The following ARID4A variants were observed in gnomAD, a reference collection of about 807,000 sequenced individuals.
The protein encoded by ARID4A is AT-rich interactive domain-containing protein 4A.
In ARID4A, 39 loss-of-function variants were observed where a neutral mutation model predicts 148.6. The ratio of observed to expected loss-of-function variants is 0.26; its 90% confidence interval spans 0.20 to 0.34. The LOEUF (loss-of-function observed/expected upper bound fraction) is 0.34, where lower values mean the gene tolerates loss of function less well. ARID4A is among the 10% of genes least tolerant of loss of function. The pLI is 1.00. For synonymous variants in ARID4A, 475 were observed against 481.2 expected (o/e 0.99, Z 0.17); for missense variants, 1,265 against 1,449.1 (o/e 0.87, Z 2.06).
At chr14:58,330,212 C>G (rs377685934) in intron 11 of ARID4A, 43 bp downstream of exon 11, 4 of 1,583,700 alleles carry the variant, frequency 2.5e-6, no homozygotes, top group Non-Finnish European at 2.6e-6. Context: ...TCTTAATACT[C>G]TCTAGTGAAA....
At chr14:58,322,690 G>A (rs180979036) in intron 7 of ARID4A, among the ~76,000 whole-genome samples, 167 of 152,038 alleles carry the variant, frequency 1.1e-3, no homozygotes, top group African/African-American at 3.7e-3. Flanking sequence ...GGCTGGGCAC[G>A]TTGCCTCACA....
chr14:58,329,726 C>T, intron 10 of ARID4A, 122 bp downstream of exon 10: 3 of 984,878 alleles, frequency 3.0e-6, no homozygotes, highest in East Asian at 2.6e-5. Context: ...GATATCCACT[C>T]TTACTTGATT....
In ARID4A at chr14:58,338,568, G is replaced by T. The variant is rs537407250; in HGVS notation, c.907-6127G>T. 1.9e-4 allele frequency among the ~76,000 whole-genome samples: 29 copies of T among 152,174 alleles called. No homozygotes were observed. In the East Asian group the frequency reaches 5.2e-3, roughly 27 times the overall value. On this transcript the variant is annotated intron_variant, in intron 11 of 23. Coordinates refer to ENST00000355431, the MANE Select transcript of ARID4A (RefSeq NM_002892.4). ...TGAGCCTCATTTTTGGAGGTGGTAG[G>T]GATGAAGGAGAGGGGATGGAGGGGT...
At chr14:58,340,196 C>CTTA (rs2034043392) in intron 11 of ARID4A, among the ~76,000 whole-genome samples, 1 of 152,114 alleles carries the variant, frequency 6.6e-6, no homozygotes, top group Admixed American at 6.6e-5. Flanking sequence ...AGTCATGGGC[C>CTTA]ATAACCACCT....
intron 1 of ARID4A, chr14:58,299,452 G>C (rs982769757): frequency 5.8e-6 from 1 of 171,524 alleles, no homozygotes; most frequent in African/African-American, 2.4e-5. Flanking sequence ...GAGGCTCGGC[G>C]GTCGTCTCCG....
chr14:58,338,497 A>G lies in ARID4A; in HGVS notation c.907-6198A>G, dbSNP rs374928776. On this transcript the variant is annotated intron_variant, in intron 11 of 23. Transcript: ENST00000355431. The stretch of plus-strand genomic sequence containing the variant: ...CTGTCTTAACATCTCTCCTTCCATG[A>G]TAGGGATCTGCCCATTTCAGGGGAT... Among the ~76,000 whole-genome samples the G allele has an allele frequency of 2.6e-5, 4 of 152,090 alleles. 1 individual carries two copies.
intron 18 of ARID4A, among the ~76,000 whole-genome samples, 189 bp from the exon 19 acceptor site, chr14:58,360,712 A>G (rs1318970674): frequency 6.6e-6 from 1 of 152,218 alleles, no homozygotes; most frequent in Non-Finnish European, 1.5e-5. Context: ...CGTGACACTA[A>G]TGTTAATAAG....
At chr14:58,311,087 A>C (rs1320433497) in intron 5 of ARID4A, among the ~76,000 whole-genome samples, 1 of 152,082 alleles carries the variant, frequency 6.6e-6, no homozygotes, top group East Asian at 1.9e-4. Context: ...CTCTACTAAA[A>C]ATACAAAAAT....
intron 2 of ARID4A, 68 bp from the exon 3 acceptor site, chr14:58,301,512 A>T: frequency 9.3e-7 from 1 of 1,069,768 alleles, no homozygotes; most frequent in Non-Finnish European, 1.4e-6. Context: ...ACAACCTTTT[A>T]ATGAGACTTG....
chr14:58,363,447 C>G (rs929232532), intron 19 of ARID4A, among the ~76,000 whole-genome samples: 1 of 152,134 alleles, frequency 6.6e-6, no homozygotes, highest in African/African-American at 2.4e-5. Context: ...TGCCTATAAT[C>G]CCAGCACTTT....
chr14:58,365,465 C>CTTT, intron 20 of ARID4A, 53 bp from the exon 21 acceptor site: 1 of 853,864 alleles, frequency 1.2e-6, no homozygotes, highest in Non-Finnish European at 1.6e-6. Context: ...AATATACTTG[C>CTTT]TCTTTTTTTT....
At chr14:58,307,416 T>C (rs2031690160) in intron 5 of ARID4A, among the ~76,000 whole-genome samples, 1 of 152,264 alleles carries the variant, frequency 6.6e-6, no homozygotes, top group Non-Finnish European at 1.5e-5. Flanking sequence ...CAAACCTCTT[T>C]GATGCTTCTT....
At chr14:58,307,617 C>T (rs569785490) in intron 5 of ARID4A, among the ~76,000 whole-genome samples, 2 of 152,262 alleles carry the variant, frequency 1.3e-5, no homozygotes, top group Non-Finnish European at 2.9e-5. Context: ...GTCAAGAGTT[C>T]AAGACCAGCC....
At chr14:58,300,783 G>C (rs1291968447) in intron 2 of ARID4A, among the ~76,000 whole-genome samples, 1 of 147,784 alleles carries the variant, frequency 6.8e-6, no homozygotes, top group Non-Finnish European at 1.5e-5. Context: ...AGTTGAACTT[G>C]TATGGATACA....
At chr14:58,314,723 C>T (rs2032290530) in intron 5 of ARID4A, among the ~76,000 whole-genome samples, 1 of 152,076 alleles carries the variant, frequency 6.6e-6, no homozygotes, top group South Asian at 2.1e-4. Flanking sequence ...GCCATCACAC[C>T]CCTGCCCCCC....
chr14:58,346,376 T>A, intron 12 of ARID4A, 35 bp from the exon 13 acceptor site: 1 of 1,443,124 alleles, frequency 6.9e-7, no homozygotes, highest in South Asian at 1.2e-5. Context: ...CTCATTTGAA[T>A]AAACATTTTA....
At chr14:58,326,952 T>C (rs1245924233) in intron 8 of ARID4A, among the ~76,000 whole-genome samples, 1 of 152,124 alleles carries the variant, frequency 6.6e-6, no homozygotes, top group Non-Finnish European at 1.5e-5. Flanking sequence ...GTTAGCTCCT[T>C]GAGGGTTGGC....
At chr14:58,330,937 C>A (rs1394028449) in intron 11 of ARID4A, among the ~76,000 whole-genome samples, 2 of 151,796 alleles carry the variant, frequency 1.3e-5, no homozygotes, top group Non-Finnish European at 2.9e-5. Flanking sequence ...TTGGTTGTTA[C>A]GGGGTAAAAG....
intron 8 of ARID4A, among the ~76,000 whole-genome samples, chr14:58,326,676 G>A (rs897860825): frequency 6.6e-6 from 1 of 152,166 alleles, no homozygotes; most frequent in Non-Finnish European, 1.5e-5. Flanking sequence ...GAAGAATGGC[G>A]TGTTACTAGA....
Sources: gnomAD v4.1 joint callset for allele counts (sites outside exome capture counted in the v4.1 genomes callset) on GRCh38, gnomAD v4.1.1 for gene constraint, MANE v1.5 for transcripts, NCBI Gene and HGNC (gene_info 2026-07-23, HGNC 2026-07-21) for gene names.